PPP3CA: variants seen among roughly 807,000 people sequenced by gnomAD.
PPP3CA encodes CAM-PRP catalytic subunit.
PPP3CA carries 14 observed loss-of-function variants against 66.5 expected under a neutral mutation model. The ratio of observed to expected loss-of-function variants is 0.21; its 90% CI spans 0.14 to 0.33. PPP3CA has a LOEUF of 0.33. Among genes scored for constraint, PPP3CA ranks in the 10% least tolerant of loss-of-function variants. The probability of loss-of-function intolerance (pLI) is 1.00; values close to 1 mark genes in which losing one functional copy is unlikely to be tolerated. For synonymous variants in PPP3CA, 232 were observed against 226.2 expected (o/e 1.03, Z -0.23); for missense variants, 317 against 639.5 (o/e 0.50, Z 5.44).
At chr4:101,289,322 G>A (rs1727945510) in intron 1 of PPP3CA, among the ~76,000 whole-genome samples, 1 of 152,100 alleles carries the variant, frequency 6.6e-6, no homozygotes, top group African/African-American at 2.4e-5. Context: ...ATTTCCACAT[G>A]CTCCACATAT....
intron 2 of PPP3CA, among the ~76,000 whole-genome samples, chr4:101,111,650 A>C (rs1310885870): frequency 6.6e-6 from 1 of 152,134 alleles, no homozygotes; most frequent in East Asian, 1.9e-4. Context: ...CCGAGGCTCC[A>C]ACCCTTGCTG....
chr4:101,322,223 T>C (rs1423655931), intron 1 of PPP3CA, among the ~76,000 whole-genome samples: 1 of 152,152 alleles, frequency 6.6e-6, no homozygotes, highest in Non-Finnish European at 1.5e-5. Context: ...CTAAATGTTA[T>C]GTCTCCACAA....
chr4:101,053,692 C>T (rs1016432682), intron 10 of PPP3CA, among the ~76,000 whole-genome samples: 1 of 152,064 alleles, frequency 6.6e-6, no homozygotes, highest in African/African-American at 2.4e-5. Context: ...CATCTTTCTC[C>T]TGGAGGTGGT....
chr4:101,124,723 A>AAGAAAGAGAG (rs1722165250), intron 2 of PPP3CA, among the ~76,000 whole-genome samples: 1 of 48,178 alleles, frequency 2.1e-5, no homozygotes, highest in Non-Finnish European at 4.4e-5. Context: ...GAAAGAAAGA[A>AAGAAAGAGAG]AGAGAAAGAA....
At chr4:101,029,320 C>T (rs56716334) in intron 12 of PPP3CA, 125 bp from the exon 13 acceptor site, 4 of 338,016 alleles carry the variant, frequency 1.2e-5, no homozygotes, top group Non-Finnish European at 1.6e-5. Context: ...GTGCTAGATT[C>T]TGGCACAGAC....
intron 1 of PPP3CA, among the ~76,000 whole-genome samples, chr4:101,305,277 C>T (rs1018730070): frequency 6.6e-6 from 1 of 152,148 alleles, no homozygotes; most frequent in African/African-American, 2.4e-5. Context: ...TTAAAGTTCA[C>T]GACTGAAAAC....
intron 1 of PPP3CA, among the ~76,000 whole-genome samples, chr4:101,305,329 CAT>C (rs1237639647): frequency 2.0e-5 from 3 of 152,212 alleles, no homozygotes; most frequent in Non-Finnish European, 2.9e-5. Context: ...CTTTCAGTCA[CAT>C]GTTTCAGAGG....
chr4:101,065,491 G>T (rs1467331017), intron 8 of PPP3CA, among the ~76,000 whole-genome samples: 1 of 152,020 alleles, frequency 6.6e-6, no homozygotes, highest in Non-Finnish European at 1.5e-5. Context: ...AAACAGACAG[G>T]CTTTATATAA....
chr4:101,313,821 C>G (rs1401904195), intron 1 of PPP3CA, among the ~76,000 whole-genome samples: 1 of 152,088 alleles, frequency 6.6e-6, no homozygotes, highest in Non-Finnish European at 1.5e-5. Flanking sequence ...ACAAGATACA[C>G]ATTGTTTGGA....
chr4:101,239,002 T>C (rs1045606983), intron 1 of PPP3CA, among the ~76,000 whole-genome samples: 14 of 152,102 alleles, frequency 9.2e-5, no homozygotes, highest in African/African-American at 3.4e-4. Context: ...ACAATTAAAT[T>C]AATTTCCTCC....
chr4:101,212,942 A>C (rs1725343985), intron 1 of PPP3CA, among the ~76,000 whole-genome samples: 1 of 152,098 alleles, frequency 6.6e-6, no homozygotes, highest in African/African-American at 2.4e-5. Flanking sequence ...TGAATAATCT[A>C]TATGTCTGGT....
intron 11 of PPP3CA, among the ~76,000 whole-genome samples, 155 bp from the exon 12 acceptor site, chr4:101,032,519 T>TTTTAA (rs2110205438): frequency 6.7e-6 from 1 of 149,780 alleles, no homozygotes; most frequent in East Asian, 1.9e-4. Flanking sequence ...ACATACTTTA[T>TTTTAA]TTTAATTTAT....
intron 10 of PPP3CA, among the ~76,000 whole-genome samples, chr4:101,042,267 G>A (rs1011466866): frequency 3.4e-5 from 5 of 147,232 alleles, no homozygotes; most frequent in Non-Finnish European, 7.4e-5. Context: ...CAGAGGTGAT[G>A]CTAACACAAA....
chr4:101,257,763 A>G (rs1008816262), intron 1 of PPP3CA, among the ~76,000 whole-genome samples: 4 of 152,124 alleles, frequency 2.6e-5, no homozygotes, highest in Non-Finnish European at 5.9e-5. Flanking sequence ...TTAGCCCAAC[A>G]ACATTAGTTA....
chr4:101,066,529 A>T (rs1728687514), intron 8 of PPP3CA, among the ~76,000 whole-genome samples: 1 of 152,156 alleles, frequency 6.6e-6, no homozygotes, highest in Non-Finnish European at 1.5e-5. Flanking sequence ...CTCTAGCTCA[A>T]AAAATCCTAA....
At chr4:101,337,366 T>C (rs1729664626) in intron 1 of PPP3CA, among the ~76,000 whole-genome samples, 1 of 152,208 alleles carries the variant, frequency 6.6e-6, no homozygotes, top group Non-Finnish European at 1.5e-5. Context: ...CTGAATAATC[T>C]CTCACTTCCT....
At chr4:101,276,383 G>T (rs1040866684) in intron 1 of PPP3CA, among the ~76,000 whole-genome samples, 1 of 152,100 alleles carries the variant, frequency 6.6e-6, no homozygotes, top group African/African-American at 2.4e-5. Context: ...GAAAGCATAG[G>T]TATCAACTTT....
intron 2 of PPP3CA, among the ~76,000 whole-genome samples, chr4:101,141,638 C>T (rs370080485): frequency 3.7e-4 from 57 of 152,296 alleles, no homozygotes; most frequent in African/African-American, 1.3e-3. Flanking sequence ...GAAAGGTCTT[C>T]CCTGATCCCC....
chr4:101,244,360 G>A (rs1347617102), intron 1 of PPP3CA, among the ~76,000 whole-genome samples: 4 of 152,098 alleles, frequency 2.6e-5, no homozygotes, highest in Non-Finnish European at 4.4e-5. Flanking sequence ...TGTTATGTTA[G>A]TGAGAGAAGA....
Sources: allele counts gnomAD v4.1 joint callset (sites outside exome capture counted in the v4.1 genomes callset), GRCh38; gene constraint gnomAD v4.1.1; transcripts MANE v1.5; gene names NCBI Gene and HGNC (gene_info 2026-07-23, HGNC 2026-07-21).